ORC3: variants seen among roughly 807,000 people sequenced by gnomAD.
The protein encoded by ORC3 is homolog of latheo, Drosophila.
A neutral mutation model predicts 100.7 loss-of-function variants in ORC3; 78 were observed. The observed-to-expected ratio is 0.77, with a 90% CI of 0.65 to 0.94. ORC3 has a LOEUF of 0.94. Among genes scored for constraint, ORC3 ranks in the 40% least tolerant of loss-of-function variants. The pLI is 0.00. For missense variants in ORC3, 789 were observed against 823.9 expected (o/e 0.96, Z 0.52); for synonymous variants, 295 against 289.3 (o/e 1.02, Z -0.20).
At chr6:87,619,428 A>G (rs1779381311) in intron 9 of ORC3, among the ~76,000 whole-genome samples, 1 of 151,910 alleles carries the variant, frequency 6.6e-6, no homozygotes, top group East Asian at 1.9e-4. Context: ...TCTTTTTGAG[A>G]TAGGGTTTCG....
chr6:87,616,448 T>C, intron 9 of ORC3, 21 bp downstream of exon 9: 1 of 948,358 alleles, frequency 1.1e-6, no homozygotes, highest in Non-Finnish European at 1.7e-6. Flanking sequence ...AGTAATGGGT[T>C]TGAAAATTCT....
intron 9 of ORC3, among the ~76,000 whole-genome samples, chr6:87,619,884 C>CA (rs1338578266): frequency 1.3e-5 from 2 of 151,766 alleles, no homozygotes; most frequent in Non-Finnish European, 1.5e-5. Flanking sequence ...CTACTTGAGA[C>CA]AGAGTCTCAC....
chr6:87,658,054 A>T, intron 16 of ORC3, 36 bp downstream of exon 16: 2 of 1,143,680 alleles, frequency 1.7e-6, no homozygotes, highest in Non-Finnish European at 2.6e-6. Context: ...GCTAAAAATC[A>T]TGCTGTTTTT....
chr6:87,666,352 G>A (rs180836574), intron 19 of ORC3, among the ~76,000 whole-genome samples: 1,894 of 150,948 alleles, frequency 0.013, 22 homozygotes, highest in Non-Finnish European at 0.018. Flanking sequence ...GGCTGGTCTC[G>A]AACTCCTGAC....
At position 87,632,277 on chromosome 6, in the gene ORC3, A is replaced by T. The variant is rs911962224; in HGVS notation, c.1186-2568A>T. ...GAGGACATGTTATAAGAAAATGTTAATCATTTGTGATGTTTTTTGTTGCAA... is the reference window on the plus strand; with the variant it reads ...GAGGACATGTTATAAGAAAATGTTATTCATTTGTGATGTTTTTTGTTGCAA... On this transcript the variant is annotated intron_variant, in intron 11 of 19. Transcript: ENST00000392844. Among the ~76,000 whole-genome samples the T allele has an allele frequency of 2.6e-5, 4 of 152,376 alleles. No individual in the cohort carries two copies. The East Asian group carries it at 7.7e-4, about 29-fold the overall frequency.
chr6:87,644,777 A>T (rs1157080708), intron 13 of ORC3, among the ~76,000 whole-genome samples: 2 of 151,900 alleles, frequency 1.3e-5, no homozygotes, highest in Non-Finnish European at 2.9e-5. Flanking sequence ...TGAACCTGGG[A>T]GGTGGAGGTT....
chr6:87,636,565 G>A lies in ORC3; in HGVS notation c.1382+79G>A, dbSNP rs553570419. ...AAGTAGCACCTTCCTCTAGAACCCT[G>A]CCTGCCAAAAAGTTTCATAAATAGC... On this transcript the variant is annotated intron_variant, in intron 13 of 19. Transcript: ENST00000392844. The A allele has an allele frequency of 2.0e-5, 17 of 841,420 alleles. No homozygotes were observed. In the East Asian group the frequency reaches 3.9e-4, roughly 19 times the overall value. 52.1% of individuals were successfully genotyped at this position (841,420 alleles called of 1,614,324 possible).
chr6:87,602,969 A>G (rs1484436314), intron 3 of ORC3, among the ~76,000 whole-genome samples: 1 of 56,930 alleles, frequency 1.8e-5, no homozygotes, highest in Non-Finnish European at 3.4e-5. Flanking sequence ...ATATATATAT[A>G]TACATATATA....
Position 87,641,604 on chromosome 6 carries a change from A to C in ORC3, c.1382+5118A>C, listed in dbSNP as rs183163821. ...CCTAAGTGTAACCTTATGAGCTTGC[A>C]AAGAAACAGACTTACAAATCGAAGG... On this transcript the variant is annotated intron_variant, in intron 13 of 19. Transcript: ENST00000392844. Among the ~76,000 whole-genome samples, 11 of 152,302 alleles carry C rather than the reference A, an allele frequency of 7.2e-5. No individual in the cohort carries two copies. The East Asian group carries it at 2.1e-3, about 29-fold the overall frequency.
At chr6:87,609,020 TCAACATGTGG>T (rs911593615) in intron 6 of ORC3, 66 bp from the exon 7 acceptor site, 1 of 1,189,422 alleles carries the variant, frequency 8.4e-7, no homozygotes, top group African/African-American at 1.5e-5. Context: ...GAGAGATATG[TCAACATGTGG>T]CATTATAACA....
Position 87,639,825 on chromosome 6 carries a change from C to CAAA in ORC3, c.1382+3362_1382+3364dup, listed in dbSNP as rs548788316. Among the ~76,000 whole-genome samples, 401 of 58,734 alleles carry CAAA rather than the reference C, an allele frequency of 6.8e-3. 6 individuals carry two copies. Among genetic ancestry groups the CAAA allele is most frequent in the African/African-American group, 0.022 (331 of 15,038 alleles). 38.5% of individuals were successfully genotyped at this position (58,734 alleles called of 152,430 possible). A position where few individuals can be genotyped will look rare whatever the true frequency, so the allele number is the denominator to read the frequency against. On this transcript the variant is annotated intron_variant, in intron 13 of 19. Transcript: ENST00000392844. ...TGAAACCCCCTCTCTGCCAAAAATACAAAAAAAAAAAAAAAAAAAAAAAAA... is the reference window on the plus strand; with the variant it reads ...TGAAACCCCCTCTCTGCCAAAAATACAAAAAAAAAAAAAAAAAAAAAAAAAAAA...
At chr6:87,673,154 A>ATTTTTT in the ORC3 span, among the ~76,000 whole-genome samples, 2 of 65,880 alleles carry the variant, frequency 3.0e-5, no homozygotes, top group Non-Finnish European at 5.3e-5. Flanking sequence ...AAAAAAAAAA[A>ATTTTTT]TTTTTTTTTT....
chr6:87,618,852 T>G (rs569676190), intron 9 of ORC3, among the ~76,000 whole-genome samples: 2 of 152,222 alleles, frequency 1.3e-5, no homozygotes, highest in East Asian at 1.9e-4. Context: ...CTTGGCAGAT[T>G]GGAGGTTAGT....
chr6:87,659,719 T>A (rs1471352820), intron 16 of ORC3, among the ~76,000 whole-genome samples: 1 of 151,870 alleles, frequency 6.6e-6, no homozygotes, highest in Non-Finnish European at 1.5e-5. Context: ...CCGACTCTAC[T>A]AAAAATACGA....
intron 11 of ORC3, among the ~76,000 whole-genome samples, chr6:87,624,730 C>T (rs1390682058): frequency 6.6e-6 from 1 of 152,136 alleles, no homozygotes; most frequent in East Asian, 1.9e-4. Context: ...TTCTAGGGTA[C>T]ATATGCGCAA....
chr6:87,656,893 G>A lies in ORC3; in HGVS notation c.1517-13G>A. On this transcript the variant is annotated splice_polypyrimidine_tract_variant and intron_variant, in intron 14 of 19. Transcript: ENST00000392844. Reference sequence around the variant, plus strand: ...ACCCTCATTGATGTCTACTGGTTTTGTATTAAAAGCAGAAACCAAAGAGGA... The same window carrying A: ...ACCCTCATTGATGTCTACTGGTTTTATATTAAAAGCAGAAACCAAAGAGGA... 1 of 1,597,754 alleles carries A rather than the reference G, an allele frequency of 6.3e-7. No individual in the cohort carries two copies.
At chr6:87,673,154 A>ATTTT in the ORC3 span, among the ~76,000 whole-genome samples, 6 of 65,872 alleles carry the variant, frequency 9.1e-5, no homozygotes, top group Non-Finnish European at 1.3e-4. Context: ...AAAAAAAAAA[A>ATTTT]TTTTTTTTTT....
chr6:87,633,531 T>A (rs1021431610), intron 11 of ORC3, among the ~76,000 whole-genome samples: 1 of 152,186 alleles, frequency 6.6e-6, no homozygotes, highest in Non-Finnish European at 1.5e-5. Flanking sequence ...GACCCGTAGA[T>A]CGTTGACCAA....
At chr6:87,606,891 G>T (rs1231667665) in intron 5 of ORC3, among the ~76,000 whole-genome samples, 2 of 152,050 alleles carry the variant, frequency 1.3e-5, no homozygotes, top group African/African-American at 4.8e-5. Context: ...ATTGATAAAA[G>T]AGATTTATGT....
Sources: gnomAD v4.1 joint callset for allele counts (sites outside exome capture counted in the v4.1 genomes callset) on GRCh38, gnomAD v4.1.1 for gene constraint, MANE v1.5 for transcripts, NCBI Gene and HGNC (gene_info 2026-07-23, HGNC 2026-07-21) for gene names.